TNFRSF13B: variants seen among roughly 807,000 people sequenced by gnomAD.
TNFRSF13B encodes tumor necrosis factor receptor superfamily member 13B.
Under a neutral mutation model 24.0 loss-of-function variants are expected in TNFRSF13B, and 34 were observed. The ratio of observed to expected loss-of-function variants is 1.41; its 90% CI spans 1.08 to 1.88. The LOEUF is 1.88. TNFRSF13B is among the 40% of genes most tolerant of loss of function. The pLI is 0.00. For synonymous variants in TNFRSF13B, 173 were observed against 150.3 expected (o/e 1.15, Z -1.10); for missense variants, 415 against 380.8 (o/e 1.09, Z -0.75).
intron 3 of TNFRSF13B, among the ~76,000 whole-genome samples, chr17:16,946,568 AT>A (rs1273309613): frequency 1.0e-4 from 14 of 137,926 alleles, no homozygotes; most frequent in Non-Finnish European, 2.1e-4. Context: ...TATTATTTTT[AT>A]TTTTATTTTT....
intron 1 of TNFRSF13B, among the ~76,000 whole-genome samples, chr17:16,966,265 C>A (rs57603736): frequency 0.083 from 12,263 of 148,610 alleles, 1,645 homozygotes; most frequent in African/African-American, 0.29. Flanking sequence ...AAAAAAAAAA[C>A]ACCAAAAAAA....
intron 3 of TNFRSF13B, among the ~76,000 whole-genome samples, chr17:16,942,508 G>A (rs945066761): frequency 1.3e-5 from 2 of 152,130 alleles, no homozygotes; most frequent in African/African-American, 2.4e-5. Flanking sequence ...TCTGTCCAGT[G>A]CCCAGAGCTC....
chr17:16,939,676 G>A lies in TNFRSF13B; in HGVS notation c.753C>T (p.Pro251=), dbSNP rs367583089. Residue 251 remains proline (P), a synonymous_variant, in exon 5 of 5, where the codon CCC becomes CCT. Transcript: ENST00000261652. ...TQESAVTPGT[P]DPTCAGRWGC... ...CCCACCTTCCAGCACAAGTGGGGTC[G>A]GGGGTCCCAGGCGTGACTGCGCTCT... is the stretch of plus-strand genomic sequence containing the variant. 64 of 1,610,874 alleles carry A rather than the reference G, an allele frequency of 4.0e-5. No individual in the cohort carries two copies. The highest frequency in any genetic ancestry group is 4.6e-5 in the Non-Finnish European group (54 of 1,177,836).
At chr17:16,944,457 T>A (rs989938184) in intron 3 of TNFRSF13B, among the ~76,000 whole-genome samples, 15 of 152,222 alleles carry the variant, frequency 9.9e-5, no homozygotes, top group African/African-American at 3.6e-4. Context: ...GGTAGCTTGC[T>A]CCAGGTCACA....
In TNFRSF13B at chr17:16,948,895, G is replaced by A. The variant is rs778997868; in HGVS notation, c.288C>T (p.His96=). The stretch of plus-strand genomic sequence containing the variant: ...CACAGAAGTATGCACATTGCTTAGG[G>A]TGCTGTCCACAGATGGAGGCACAGC... ...CISCASICGQ[H]PKQCAYFCEN... Residue 96 remains histidine (H), a synonymous_variant, in exon 3 of 5, where the codon CAC becomes CAT. Transcript: ENST00000261652. 1 of 1,614,200 alleles carries A rather than the reference G, an allele frequency of 6.2e-7. No homozygotes were observed. Among genetic ancestry groups the A allele is most frequent in the Non-Finnish European group, 8.5e-7 (1 of 1,180,046 alleles).
intron 1 of TNFRSF13B, among the ~76,000 whole-genome samples, chr17:16,961,956 T>C (rs946504438): frequency 6.6e-6 from 1 of 152,194 alleles, no homozygotes; most frequent in African/African-American, 2.4e-5. Context: ...ACAGGACCCC[T>C]GTCAGCAGAG....
rs1347062657 is a variant in TNFRSF13B at position 16,952,465 on chromosome 17, G to T, written c.180C>A (p.Arg60=). 6.2e-7 allele frequency: 1 copy of T among 1,614,154 alleles called. No individual in the cohort carries two copies. The highest frequency in any genetic ancestry group is 8.5e-7 in the Non-Finnish European group (1 of 1,179,990). The change falls in exon 2 of 5, where the codon CGC becomes CGA. Residue 60 remains arginine, a synonymous_variant. Transcript: ENST00000261652. ...CKTICNHQSQ[R]TCAAFCRSLS... Reference sequence around the variant, plus strand: ...ACTCACTGCAGAAGGCTGCACAGGTGCGCTGGCTCTGATGGTTGCAAATGG... The same window carrying T: ...ACTCACTGCAGAAGGCTGCACAGGTTCGCTGGCTCTGATGGTTGCAAATGG...
rs1409221013 is a variant in TNFRSF13B at position 16,952,577 on chromosome 17, T to C, written c.68A>G (p.Gln23Arg). 1.9e-6 allele frequency: 3 copies of C among 1,614,192 alleles called. No individual in the cohort carries two copies. The highest frequency in any genetic ancestry group is 1.1e-5 in the South Asian group (1 of 91,084). The change falls in exon 2 of 5, where the codon CAG becomes CGG. Residue 23 changes from glutamine to arginine, a missense_variant. Transcript: ENST00000261652. ...CATAGCCACCCCCGTCCACAGGCCC[T>C]GTGGAACTGAGAGACCAGGAGAGTG... ...SRVDQEERFP[Q>R]GLWTGVAMRS...
At chr17:16,952,387 C>T (rs2087594731) in intron 2 of TNFRSF13B, 59 bp downstream of exon 2, 1 of 1,611,450 alleles carries the variant, frequency 6.2e-7, no homozygotes, top group Non-Finnish European at 8.5e-7. Context: ...AGAGGGTGCT[C>T]TAGGGAGAAA....
At chr17:16,947,872 G>A (rs34806035) in intron 3 of TNFRSF13B, among the ~76,000 whole-genome samples, 31,553 of 152,014 alleles carry the variant, frequency 0.21, 4,014 homozygotes, top group East Asian at 0.66. Flanking sequence ...AAAATAAACC[G>A]TTCTACCAAA....
intron 1 of TNFRSF13B, among the ~76,000 whole-genome samples, chr17:16,965,058 T>G (rs912894787): frequency 2.6e-5 from 4 of 152,128 alleles, no homozygotes; most frequent in Non-Finnish European, 5.9e-5. Flanking sequence ...TTAATAGTTA[T>G]CATTTTATAA....
In TNFRSF13B at chr17:16,939,319, C is replaced by A. The variant is rs2087487975; in HGVS notation, c.*228G>T. 1 of 541,036 alleles carries A rather than the reference C, an allele frequency of 1.8e-6. No homozygotes were observed. Among genetic ancestry groups the A allele is most frequent in the Middle Eastern group, 5.0e-4 (1 of 2,012 alleles). The allele number at this position is 541,036 out of a possible 1,614,324, so 33.5% of individuals were successfully genotyped here. ...TGCCTCTCTCCCTCTCTGCCTCTCT[C>A]CTTCTCTGCCTGTCTCTTTCCTTCT... is the stretch of plus-strand genomic sequence containing the variant. On this transcript the variant is annotated 3_prime_UTR_variant, in exon 5 of 5. Transcript: ENST00000261652.
intron 1 of TNFRSF13B, among the ~76,000 whole-genome samples, chr17:16,956,732 T>C (rs1314296489): frequency 6.6e-6 from 1 of 152,220 alleles, no homozygotes; most frequent in Non-Finnish European, 1.5e-5. Context: ...TAACCTCAAA[T>C]GCATATTACT....
intron 1 of TNFRSF13B, among the ~76,000 whole-genome samples, chr17:16,965,883 GTCTT>G (rs950524385): frequency 9.2e-5 from 14 of 152,264 alleles, no homozygotes; most frequent in African/African-American, 3.1e-4. Context: ...AGTGTGAAAG[GTCTT>G]TCTAACTATG....
intron 3 of TNFRSF13B, among the ~76,000 whole-genome samples, chr17:16,945,688 T>G (rs2087542915): frequency 6.6e-6 from 1 of 152,186 alleles, no homozygotes. Context: ...GTGGCTGGGC[T>G]CTTCAGCCCC....
intron 2 of TNFRSF13B, among the ~76,000 whole-genome samples, chr17:16,950,246 G>T (rs1339075230): frequency 6.6e-6 from 1 of 152,158 alleles, no homozygotes; most frequent in Non-Finnish European, 1.5e-5. Context: ...TGTACCACTT[G>T]CAGGCAGTGT....
At chr17:16,940,917 G>A (rs576628257) in intron 3 of TNFRSF13B, 137 of 1,106,878 alleles carry the variant, frequency 1.2e-4, no homozygotes, top group African/African-American at 5.6e-4. Context: ...GTTTACAGTC[G>A]TCCCTTGGTA....
intron 1 of TNFRSF13B, among the ~76,000 whole-genome samples, chr17:16,957,798 T>C (rs2087635033): frequency 6.6e-6 from 1 of 152,198 alleles, no homozygotes; most frequent in African/African-American, 2.4e-5. Flanking sequence ...CTTTTCCAGA[T>C]AAACAAAATC....
intron 3 of TNFRSF13B, among the ~76,000 whole-genome samples, chr17:16,948,196 C>CAG (rs377677591): frequency 1.3e-5 from 2 of 152,046 alleles, no homozygotes; most frequent in African/African-American, 2.4e-5. Flanking sequence ...AAGGGGGAGG[C>CAG]AGAGAGAGAG....
Sources: gnomAD v4.1 joint callset for allele counts (sites outside exome capture counted in the v4.1 genomes callset) on GRCh38, gnomAD v4.1.1 for gene constraint, MANE v1.5 for transcripts, NCBI Gene and HGNC (gene_info 2026-07-23, HGNC 2026-07-21) for gene names.